PCDHGA1: variants seen among roughly 807,000 people sequenced by gnomAD.
The protein encoded by PCDHGA1 is protocadherin gamma subfamily A, 1, also known as protocadherin gamma-A1.
Under a neutral mutation model 58.0 loss-of-function variants are expected in PCDHGA1, and 32 were observed. The observed-to-expected ratio is 0.55, with a 90% CI of 0.42 to 0.74. The LOEUF is 0.74. Ranked by LOEUF, PCDHGA1 falls within the 30% of genes least tolerant of loss-of-function variation. The pLI, the probability that PCDHGA1 is intolerant of heterozygous loss-of-function variation, is 0.00. For synonymous variants in PCDHGA1, 498 were observed against 501.1 expected, an observed-to-expected ratio of 0.99 and a Z score of 0.08; for missense variants, 1,205 against 1,182.3, an observed-to-expected ratio of 1.02 and a Z score of -0.28.
chr5:141,339,126 T>G, intron 1 of PCDHGA1: 1 of 1,614,238 alleles, frequency 6.2e-7, no homozygotes, highest in Admixed American at 1.7e-5. Flanking sequence ...GCCAAGGACT[T>G]GGGTTTGGAG....
intron 1 of PCDHGA1, chr5:141,418,465 A>G (rs2096261082): frequency 6.2e-7 from 1 of 1,614,022 alleles, no homozygotes; most frequent in Non-Finnish European, 8.5e-7. Context: ...CTCTGGACCG[A>G]GAAACGCAGA....
chr5:141,371,372 T>A lies in PCDHGA1; in HGVS notation c.2421+38267T>A, dbSNP rs73265849. ...GGGTGGAAGCAAAGGATGGTGGACA[T>A]CACACTGCATATTGTAAAGTACAGA... is the stretch of plus-strand genomic sequence containing the variant. On this transcript the variant is annotated intron_variant, in intron 1 of 3. Transcript: ENST00000517417. 2,400 of 1,613,952 alleles carry A rather than the reference T, an allele frequency of 1.5e-3. 32 individuals are homozygous for A. In the African/African-American group the frequency reaches 0.028, roughly 19 times the overall value.
intron 1 of PCDHGA1, chr5:141,351,038 C>T (rs1335852505): frequency 1.9e-6 from 3 of 1,614,004 alleles, no homozygotes; most frequent in East Asian, 4.5e-5. Context: ...CTCCGTGCTG[C>T]GGGTGATGGC....
chr5:141,335,949 CTAAT>C (rs1433433599), intron 1 of PCDHGA1, among the ~76,000 whole-genome samples: 1 of 151,934 alleles, frequency 6.6e-6, no homozygotes, highest in Non-Finnish European at 1.5e-5. Context: ...GCAACTAAAA[CTAAT>C]TAGGAGTAAG....
rs752660585 is a variant in PCDHGA1 at position 141,400,337 on chromosome 5, C to A, written c.2421+67232C>A. The A allele has an allele frequency of 6.6e-5, 106 of 1,613,962 alleles. No homozygotes were observed. The Admixed American group carries it at 1.7e-3, about 26-fold the overall frequency. ...GTCAAGTCTGGACCTGTGGTTCCCC[C>A]CAACTACAGTCAGGGGACTTTGCCT... On this transcript the variant is annotated intron_variant, in intron 1 of 3. Transcript: ENST00000517417.
intron 1 of PCDHGA1, among the ~76,000 whole-genome samples, chr5:141,401,627 G>A (rs998564450): frequency 6.6e-6 from 1 of 152,176 alleles, no homozygotes; most frequent in African/African-American, 2.4e-5. Flanking sequence ...TTGTCTTATC[G>A]TTTGGAGCTT....
intron 1 of PCDHGA1, chr5:141,375,635 C>A (rs776372663): frequency 2.4e-5 from 38 of 1,614,094 alleles, no homozygotes; most frequent in Non-Finnish European, 3.1e-5. Flanking sequence ...GTACGCCCTG[C>A]GCTCCTTCGA....
intron 1 of PCDHGA1, chr5:141,372,158 G>A (rs1466586208): frequency 6.2e-7 from 1 of 1,613,800 alleles, no homozygotes; most frequent in South Asian, 1.1e-5. Flanking sequence ...GCTACCTGGT[G>A]ACCAAGGTGG....
chr5:141,366,855 A>C, intron 1 of PCDHGA1: 3 of 1,456,922 alleles, frequency 2.1e-6, no homozygotes, highest in Non-Finnish European at 2.8e-6. Flanking sequence ...ATAGTGGAAC[A>C]TTATTTGCTG....
At position 141,351,746 on chromosome 5, in the gene PCDHGA1, G is replaced by C. The variant is rs370474605; in HGVS notation, c.2421+18641G>C. The C allele has an allele frequency of 1.9e-6, 3 of 1,613,680 alleles. No homozygotes were observed. ...TCTGGCCAGTGACCTGGAGCCGCGG[G>C]AGCTGTTGTCCTACGTGTCCGTGAG... On this transcript the variant is annotated intron_variant, in intron 1 of 3. Coordinates refer to ENST00000517417, the MANE Select transcript of PCDHGA1 (RefSeq NM_018912.3).
intron 1 of PCDHGA1, chr5:141,389,226 C>G: frequency 6.2e-7 from 1 of 1,614,064 alleles, no homozygotes; most frequent in Non-Finnish European, 8.5e-7. Context: ...TGACAACGCT[C>G]CGGTTTTCTC....
intron 1 of PCDHGA1, among the ~76,000 whole-genome samples, chr5:141,347,137 C>CTCTTTCTTTCTTCCTT (rs1757891658): frequency 8.8e-6 from 1 of 113,744 alleles, no homozygotes; most frequent in Non-Finnish European, 1.7e-5. Context: ...CTCTGTTTCT[C>CTCTTTCTTTCTTCCTT]TCTTTCTTTC....
Position 141,487,322 on chromosome 5 carries a change from C to T in PCDHGA1, c.2422-7485C>T, listed in dbSNP as rs760334964. 7.4e-6 allele frequency: 12 copies of T among 1,614,134 alleles called. No homozygotes were observed. Among genetic ancestry groups the T allele is most frequent in the South Asian group, 3.3e-5 (3 of 91,082 alleles). ...CGTGGCACTACTCTCTAAGTGTCTT[C>T]GTGGGGCAGCCTGTGGAGTCACATG... On this transcript the variant is annotated intron_variant, in intron 1 of 3. Coordinates refer to ENST00000517417, the MANE Select transcript of PCDHGA1 (RefSeq NM_018912.3). The surrounding 1 kb of genome is among the most constrained non-coding windows in gnomAD (Gnocchi z 5.0).
At chr5:141,418,966 C>T (rs754269610) in intron 1 of PCDHGA1, 44 of 1,613,892 alleles carry the variant, frequency 2.7e-5, no homozygotes, top group Non-Finnish European at 3.6e-5. Flanking sequence ...TTGCCCTCTT[C>T]AAAACACGGG....
intron 1 of PCDHGA1, chr5:141,362,561 GC>G (rs753422922): frequency 2.5e-6 from 4 of 1,608,504 alleles, no homozygotes; most frequent in Non-Finnish European, 3.4e-6. Flanking sequence ...TTGAAGGTGA[GC>G]TTTAATTAAT....
rs751320023 is a variant in PCDHGA1 at position 141,431,263 on chromosome 5, G to T, written c.2422-63544G>T. 6 of 1,614,060 alleles carry T rather than the reference G, an allele frequency of 3.7e-6. No homozygotes were observed. In the East Asian group the frequency reaches 1.3e-4, roughly 36 times the overall value. ...CGGATATCGGGAAGAACTCTCTGCA[G>T]AGCTACGAGCTCAGCCCGAACACTC... On this transcript the variant is annotated intron_variant, in intron 1 of 3. Transcript: ENST00000517417. The surrounding 1 kb of genome is among the most constrained non-coding windows in gnomAD (Gnocchi z 4.8).
intron 1 of PCDHGA1, among the ~76,000 whole-genome samples, chr5:141,358,062 T>G (rs1354480286): frequency 7.9e-5 from 12 of 152,248 alleles, no homozygotes; most frequent in Non-Finnish European, 1.5e-5. Context: ...TGGTGGTGTG[T>G]GCCCGTAGTC....
chr5:141,375,597 T>C, intron 1 of PCDHGA1: 4 of 1,614,160 alleles, frequency 2.5e-6, no homozygotes, highest in Non-Finnish European at 3.4e-6. Flanking sequence ...TCCTCCTACG[T>C]GTCCATCAAC....
intron 1 of PCDHGA1, chr5:141,365,409 G>A (rs1588612926): frequency 1.2e-6 from 2 of 1,613,994 alleles, no homozygotes; most frequent in Non-Finnish European, 1.7e-6. Flanking sequence ...TCTGAAGACT[G>A]TCTTCCCGGA....
Sources: allele counts gnomAD v4.1 joint callset (sites outside exome capture counted in the v4.1 genomes callset), GRCh38; gene constraint gnomAD v4.1.1; non-coding constraint Gnocchi (gnomAD v3.1); transcripts MANE v1.5; gene names NCBI Gene and HGNC (gene_info 2026-07-23, HGNC 2026-07-21).